Variants in SCARB1 observed in about 807,000 individuals in gnomAD.
SCARB1 encodes the protein scavenger receptor class B member 1.
SCARB1 carries 30 observed loss-of-function variants against 57.2 expected under a neutral mutation model. The observed-to-expected ratio is 0.52, with a 90% CI of 0.39 to 0.71. The LOEUF is 0.71. Among genes scored for constraint, SCARB1 ranks in the 30% least tolerant of loss-of-function variants. SCARB1 has a pLI of 0.00. For missense variants in SCARB1, 543 were observed against 671.2 expected, an observed-to-expected ratio of 0.81 and a Z score of 2.11; for synonymous variants, 249 against 268.3, an observed-to-expected ratio of 0.93 and a Z score of 0.70.
At chr12:124,803,432 A>G (rs1456444608) in intron 7 of SCARB1, among the ~76,000 whole-genome samples, 3 of 152,116 alleles carry the variant, frequency 2.0e-5, no homozygotes, top group Non-Finnish European at 4.4e-5. Flanking sequence ...TTAGCTGGGC[A>G]TGGTAGCAAC....
rs1350817743 is a variant in SCARB1, at chr12:124,795,140, T to A, written c.1202+55A>T. The A allele has an allele frequency of 2.8e-6, 4 of 1,441,210 alleles. No homozygotes were observed. The Admixed American group carries it at 6.7e-5, about 24-fold the overall frequency. 89.3% of individuals were successfully genotyped at this position (1,441,210 alleles called of 1,614,324 possible). Reference sequence around the variant, plus strand: ...CTGGAGTCTGGGACCACTGGAGCACTGAGCACCTAATCTCTCAATGAGCAA... The same window carrying A: ...CTGGAGTCTGGGACCACTGGAGCACAGAGCACCTAATCTCTCAATGAGCAA... On this transcript the variant is annotated intron_variant, in intron 9 of 12. Transcript: ENST00000261693.
chr12:124,852,985 G>A (rs1379340239), intron 1 of SCARB1, among the ~76,000 whole-genome samples: 1 of 152,200 alleles, frequency 6.6e-6, no homozygotes, highest in Non-Finnish European at 1.5e-5. Flanking sequence ...GTTGCAGTGA[G>A]CCGAGATGGG....
At chr12:124,830,777 T>TA (rs1287218514) in intron 1 of SCARB1, among the ~76,000 whole-genome samples, 2 of 152,176 alleles carry the variant, frequency 1.3e-5, no homozygotes, top group Admixed American at 6.5e-5. Flanking sequence ...ATGCATTTGA[T>TA]ACTTCAATTT....
rs1950569992 is a variant in SCARB1, at chr12:124,812,668, A to G, written c.631-703T>C. On this transcript the variant is annotated intron_variant, in intron 4 of 12. Coordinates refer to ENST00000261693, the MANE Select transcript of SCARB1 (RefSeq NM_005505.5). The surrounding 1 kb of genome is among the most constrained non-coding windows in gnomAD (Gnocchi z 4.3). Reference sequence around the variant, plus strand: ...TAATCCCAAAGACATGCAAAGCACAAAGTGGTATGAGTGACTGAAGGAAAT... The same window carrying G: ...TAATCCCAAAGACATGCAAAGCACAGAGTGGTATGAGTGACTGAAGGAAAT... 2.0e-5 allele frequency among the ~76,000 whole-genome samples: 3 copies of G among 152,326 alleles called. No homozygotes were observed. Among genetic ancestry groups the G allele is most frequent in the South Asian group, 4.1e-4 (2 of 4,824 alleles).
intron 1 of SCARB1, among the ~76,000 whole-genome samples, chr12:124,833,011 C>T (rs1468930397): frequency 5.9e-5 from 9 of 151,992 alleles, no homozygotes; most frequent in Middle Eastern, 3.4e-3. Context: ...CATTGCCTTC[C>T]GTTTCCCAGC....
rs1300676172 is a variant in SCARB1, at chr12:124,817,212, T to C, written c.284+338A>G. On this transcript the variant is annotated intron_variant, in intron 2 of 12. Transcript: ENST00000261693. The surrounding 1 kb of genome is among the most constrained non-coding windows in gnomAD (Gnocchi z 4.8). ...CACCCAGACGCACACCATTGGTCCC[T>C]CCCTGCTCCATAAAGAACCTCTCTA... 6.6e-6 allele frequency among the ~76,000 whole-genome samples: 1 copy of C among 151,584 alleles called. No homozygotes were observed. The highest frequency in any genetic ancestry group is 1.5e-5 in the Non-Finnish European group (1 of 67,906).
chr12:124,863,825 C>T lies in SCARB1; in HGVS notation c.-105G>A, dbSNP rs1458490524. ...AGGCGGGGACTCCGGGCACGCAGGC[C>T]GCAGAGGCACGGTGGATCCGGGACG... On this transcript the variant is annotated 5_prime_UTR_variant, in exon 1 of 13. Transcript: ENST00000261693. 1.5e-6 allele frequency: 2 copies of T among 1,310,536 alleles called. No individual in the cohort carries two copies. The highest frequency in any genetic ancestry group is 6.2e-5 in the East Asian group (2 of 32,386). 81.2% of individuals were successfully genotyped at this position (1,310,536 alleles called of 1,614,324 possible). A position where few individuals can be genotyped will look rare whatever the true frequency, so the allele number is the denominator to read the frequency against.
intron 6 of SCARB1, among the ~76,000 whole-genome samples, chr12:124,809,969 C>T (rs571639988): frequency 6.6e-6 from 1 of 152,370 alleles, no homozygotes; most frequent in Admixed American, 6.5e-5. Context: ...CCACCACCAG[C>T]AGCCTCTCTT....
chr12:124,854,570 A>G (rs1952556314), intron 1 of SCARB1, among the ~76,000 whole-genome samples: 1 of 152,040 alleles, frequency 6.6e-6, no homozygotes, highest in Admixed American at 6.5e-5. Context: ...TCTGGGGGAG[A>G]GGTGATGGTG....
chr12:124,787,793 A>G lies in SCARB1; in HGVS notation c.1203-336T>C, dbSNP rs146246031. 2.4e-3 allele frequency among the ~76,000 whole-genome samples: 369 copies of G among 152,042 alleles called. 2 individuals are homozygous for G. The highest frequency in any genetic ancestry group is 8.3e-3 in the African/African-American group (344 of 41,476). ...ATCACACAGCTTTGAACCTGTGATC[A>G]TAAGCTCTGAGGCCAGGAGGGATTT... On this transcript the variant is annotated intron_variant, in intron 9 of 12. Coordinates refer to ENST00000261693, the MANE Select transcript of SCARB1 (RefSeq NM_005505.5).
At chr12:124,795,159 T>C (rs1566149978) in intron 9 of SCARB1, 36 bp downstream of exon 9, 5 of 1,554,624 alleles carry the variant, frequency 3.2e-6, no homozygotes, top group Non-Finnish European at 4.4e-6. Context: ...AATCTCTCAA[T>C]GAGCAATGCA....
Position 124,800,134 on chromosome 12 carries a change from T to C in SCARB1, c.1118A>G (p.Asp373Gly), listed in dbSNP as rs1362346403. ...ATGGCAGGGGCTCACCGGGTGGATG[T>C]CCAGGAACAAGGAGTGTGCCTCCTG... ...PNQEAHSLFLDIHPVTGIPMN... is the reference protein window; with the variant it reads ...PNQEAHSLFLGIHPVTGIPMN... The change falls in exon 8 of 13, where the codon GAC becomes GGC. Residue 373 changes from aspartate (D) to glycine (G), a missense_variant. Coordinates refer to ENST00000261693, the MANE Select transcript of SCARB1 (RefSeq NM_005505.5). This position sits in a 1 kb window ranked among gnomAD's most constrained non-coding sequence, Gnocchi z 4.8. 6.2e-7 allele frequency: 1 copy of C among 1,612,624 alleles called. No individual in the cohort carries two copies. The highest frequency in any genetic ancestry group is 1.1e-5 in the South Asian group (1 of 91,048).
intron 8 of SCARB1, among the ~76,000 whole-genome samples, 159 bp from the exon 9 acceptor site, chr12:124,795,427 G>C (rs573744063): frequency 1.7e-4 from 26 of 152,224 alleles, no homozygotes; most frequent in Middle Eastern, 3.4e-3. Flanking sequence ...AGGCTGGGGG[G>C]GGTCAACAGT....
Position 124,814,815 on chromosome 12 carries a change from G to T in SCARB1, c.426+158C>A, listed in dbSNP as rs112919666. The T allele has an allele frequency of 4.6e-6, 4 of 869,028 alleles. No homozygotes were observed. Among genetic ancestry groups the T allele is most frequent in the African/African-American group, 3.3e-5 (2 of 60,224 alleles). The allele number at this position is 869,028 out of a possible 1,614,324, so 53.8% of individuals were successfully genotyped here. A position where few individuals can be genotyped will look rare whatever the true frequency, so the allele number is the denominator to read the frequency against. On this transcript the variant is annotated intron_variant, in intron 3 of 12. Transcript: ENST00000261693. This position sits in a 1 kb window ranked among gnomAD's most constrained non-coding sequence, Gnocchi z 4.7. The stretch of plus-strand genomic sequence containing the variant: ...CCTGGGAAACTCAGAACCCACTGGG[G>T]GTGGTGGAGACAGCACAGGGCCGAA...
chr12:124,842,677 GCAA>G (rs1472543279), intron 1 of SCARB1, among the ~76,000 whole-genome samples: 1 of 152,252 alleles, frequency 6.6e-6, no homozygotes, highest in African/African-American at 2.4e-5. Context: ...TTCCAGCACA[GCAA>G]GGTCTTACTG....
At chr12:124,854,245 G>C (rs980164396) in intron 1 of SCARB1, among the ~76,000 whole-genome samples, 1 of 152,226 alleles carries the variant, frequency 6.6e-6, no homozygotes, top group African/African-American at 2.4e-5. Flanking sequence ...AGAGACCTAC[G>C]GGAGATGAGA....
chr12:124,854,746 G>T (rs374850305), intron 1 of SCARB1, among the ~76,000 whole-genome samples: 2 of 152,156 alleles, frequency 1.3e-5, no homozygotes, highest in East Asian at 3.8e-4. Flanking sequence ...CTGGAAGATG[G>T]GGGGGCTATG....
Position 124,776,870 on chromosome 12 carries a change from T to C in SCARB1, c.*1717A>G, listed in dbSNP as rs1302342999. ...AAAAAAAAAAGTTTGCTTCAACTTA[T>C]ATATTTATGTTGCAGGCAAGTATAG... On this transcript the variant is annotated 3_prime_UTR_variant, in exon 13 of 13. Coordinates refer to ENST00000261693, the MANE Select transcript of SCARB1 (RefSeq NM_005505.5). 2.0e-5 allele frequency: 3 copies of C among 152,222 alleles called. No individual in the cohort carries two copies. The highest frequency in any genetic ancestry group is 4.8e-5 in the African/African-American group (2 of 41,462). 9.4% of individuals were successfully genotyped at this position (152,222 alleles called of 1,614,324 possible).
chr12:124,834,235 C>CG (rs1566225011), intron 1 of SCARB1, among the ~76,000 whole-genome samples: 2 of 152,242 alleles, frequency 1.3e-5, no homozygotes, highest in East Asian at 3.8e-4. Flanking sequence ...ACGGGACACA[C>CG]GGGGGGACAG....
Sources: gnomAD v4.1 joint callset for allele counts (sites outside exome capture counted in the v4.1 genomes callset) on GRCh38, gnomAD v4.1.1 for gene constraint, Gnocchi (gnomAD v3.1) non-coding constraint, MANE v1.5 for transcripts, NCBI Gene and HGNC (gene_info 2026-07-23, HGNC 2026-07-21) for gene names.